The following GLO1 variants were observed in gnomAD, a reference collection of about 807,000 sequenced individuals.
The protein encoded by GLO1 is glyoxalase I, also known as lactoylglutathione lyase.
GLO1 carries 28 observed loss-of-function variants against 26.0 expected under a neutral mutation model. The observed-to-expected ratio is 1.08, with a 90% CI of 0.80 to 1.48. The LOEUF is 1.48. Ranked by LOEUF, GLO1 falls within the 40% of genes most tolerant of loss-of-function variation. GLO1 has a pLI of 0.00. For synonymous variants in GLO1, 78 were observed against 77.6 expected (o/e 1.00, Z -0.03); for missense variants, 225 against 224.8 (o/e 1.00, Z -0.01).
chr6:38,679,279 A>G (rs565381111), intron 5 of GLO1, among the ~76,000 whole-genome samples: 1 of 152,098 alleles, frequency 6.6e-6, no homozygotes, highest in East Asian at 1.9e-4. Flanking sequence ...GGCATGTGCC[A>G]CCATGCCCAG....
chr6:38,693,527 T>C (rs1213894907), intron 1 of GLO1, among the ~76,000 whole-genome samples: 3 of 152,030 alleles, frequency 2.0e-5, no homozygotes, highest in Non-Finnish European at 4.4e-5. Context: ...TTGCTTTTCA[T>C]TTTCTAGTTT....
intron 1 of GLO1, among the ~76,000 whole-genome samples, chr6:38,693,591 T>G (rs887313259): frequency 6.6e-6 from 1 of 151,928 alleles, no homozygotes; most frequent in African/African-American, 2.4e-5. Context: ...TTATAATGTA[T>G]GCAGTCAGTG....
chr6:38,684,554 G>C, intron 2 of GLO1, 40 bp from the exon 3 acceptor site: 1 of 1,355,028 alleles, frequency 7.4e-7, no homozygotes, highest in Non-Finnish European at 9.7e-7. Flanking sequence ...ATTAACAACA[G>C]GAAAGGCTAA....
chr6:38,688,264 C>T (rs189330389), intron 1 of GLO1, among the ~76,000 whole-genome samples: 107 of 152,246 alleles, frequency 7.0e-4, no homozygotes, highest in African/African-American at 2.3e-3. Flanking sequence ...TCAGATGCTA[C>T]AGTCCTAAAG....
chr6:38,686,644 C>T (rs1176417404), intron 2 of GLO1, among the ~76,000 whole-genome samples: 3 of 152,170 alleles, frequency 2.0e-5, no homozygotes, highest in African/African-American at 4.8e-5. Flanking sequence ...TAGCTGGGAG[C>T]GCTCAGAGAA....
At chr6:38,693,612 C>T (rs892296871) in intron 1 of GLO1, among the ~76,000 whole-genome samples, 1 of 151,300 alleles carries the variant, frequency 6.6e-6, no homozygotes, top group African/African-American at 2.4e-5. Context: ...CTATACATTT[C>T]CCCCTTTGCA....
chr6:38,681,928 G>T (rs574361545), intron 5 of GLO1, 84 bp downstream of exon 5: 1 of 760,340 alleles, frequency 1.3e-6, no homozygotes, highest in Non-Finnish European at 2.4e-6. Flanking sequence ...TAGCCAAAAG[G>T]GTTTTACTAC....
intron 1 of GLO1, among the ~76,000 whole-genome samples, chr6:38,691,255 C>CG (rs930714158): frequency 1.1e-4 from 17 of 151,492 alleles, no homozygotes; most frequent in African/African-American, 4.1e-4. Context: ...AGGTTTTTTT[C>CG]GGGGGGAGGG....
intron 1 of GLO1, among the ~76,000 whole-genome samples, chr6:38,694,731 T>C (rs1761584460): frequency 6.6e-6 from 1 of 152,172 alleles, no homozygotes; most frequent in African/African-American, 2.4e-5. Flanking sequence ...TAGATTTTTC[T>C]ATTTCTCCTT....
rs371858314 is a variant in GLO1, at chr6:38,676,485, T to C, written c.*810A>G. ...TTACAACAGGAAACCAGTGGAGGTATTGTGAGGTACTACAACTTTGAGGCA... is the reference window on the plus strand; with the variant it reads ...TTACAACAGGAAACCAGTGGAGGTACTGTGAGGTACTACAACTTTGAGGCA... On this transcript the variant is annotated 3_prime_UTR_variant, in exon 6 of 6. Transcript: ENST00000373365. The C allele has an allele frequency of 1.3e-5, 2 of 152,194 alleles. No individual in the cohort carries two copies. The highest frequency in any genetic ancestry group is 4.8e-5 in the African/African-American group (2 of 41,442). 9.4% of individuals were successfully genotyped at this position (152,194 alleles called of 1,614,324 possible).
intron 1 of GLO1, among the ~76,000 whole-genome samples, chr6:38,702,705 C>T (rs1390693472): frequency 6.6e-6 from 1 of 152,174 alleles, no homozygotes; most frequent in Non-Finnish European, 1.5e-5. Flanking sequence ...CCTGGGTTGG[C>T]CTGGCTTCCA....
rs375462345 is a variant in GLO1, at chr6:38,699,402, T to C, written c.84+3569A>G. ...ATTGTAAAACTGTGTTTGAACAATA[T>C]GAAATCGGCGCACCTTGAAAAACAA... On this transcript the variant is annotated intron_variant, in intron 1 of 5. Transcript: ENST00000373365. 1.5e-4 allele frequency among the ~76,000 whole-genome samples: 23 copies of C among 152,246 alleles called. 1 individual carries two copies. The highest frequency in any genetic ancestry group is 5.5e-4 in the African/African-American group (23 of 41,554).
chr6:38,702,991 C>A lies in GLO1; in HGVS notation c.64G>T (p.Asp22Tyr), dbSNP rs1358193875. 1 of 1,580,462 alleles carries A rather than the reference C, an allele frequency of 6.3e-7. No individual in the cohort carries two copies. Among genetic ancestry groups the A allele is most frequent in the East Asian group, 2.3e-5 (1 of 43,908 alleles). The change falls in exon 1 of 6, where the codon GAC becomes TAC. Residue 22 changes from aspartate to tyrosine, a missense_variant. Physicochemically the swap from Asp to Tyr is radical, Grantham distance 160 (BLOSUM62 -3). Coordinates refer to ENST00000373365, the MANE Select transcript of GLO1 (RefSeq NM_006708.3). ...CCCACCTTGGTACTGGGGTCCGCGT[C>A]GGAGCAGCAACTGAGGGCGGCCTCG... Reference protein sequence around the residue: ...TDEAALSCCSDADPSTKDFLL... With the variant: ...TDEAALSCCSYADPSTKDFLL...
chr6:38,702,978 C>T lies in GLO1; in HGVS notation c.77G>A (p.Ser26Asn), dbSNP rs377238075. 6.6e-7 allele frequency: 1 copy of T among 1,525,634 alleles called. No individual in the cohort carries two copies. The highest frequency in any genetic ancestry group is 2.4e-5 in the East Asian group (1 of 40,860). 94.5% of individuals were successfully genotyped at this position (1,525,634 alleles called of 1,614,324 possible). A position where few individuals can be genotyped will look rare whatever the true frequency, so the allele number is the denominator to read the frequency against. The change falls in exon 1 of 6, where the codon AGT becomes AAT. Residue 26 changes from serine (S) to asparagine (N), a missense_variant. Physicochemically the swap from Ser to Asn is conservative, Grantham distance 46. Transcript: ENST00000373365. ...ALSCCSDADP[S>N]TKDFLLQQTM... ...CTTCGGTCCTGTGCCCACCTTGGTA[C>T]TGGGGTCCGCGTCGGAGCAGCAACT...
intron 1 of GLO1, among the ~76,000 whole-genome samples, chr6:38,699,492 G>A (rs57156564): frequency 0.1 from 15,678 of 152,052 alleles, 1,944 homozygotes; most frequent in African/African-American, 0.28. Flanking sequence ...CTGAGGGGTC[G>A]GACAAAAAGA....
rs766591072 is a variant in GLO1 at position 38,682,894 on chromosome 6, C to T, written c.309-19G>A. On this transcript the variant is annotated intron_variant, in intron 3 of 5. Coordinates refer to ENST00000373365, the MANE Select transcript of GLO1 (RefSeq NM_006708.3). Reference sequence around the variant, plus strand: ...CCAATTGCTACAAAAGGAAGGAAAACATAGCTACAATGTCCTAGGGAATAG... The same window carrying T: ...CCAATTGCTACAAAAGGAAGGAAAATATAGCTACAATGTCCTAGGGAATAG... The T allele has an allele frequency of 1.4e-6, 2 of 1,426,746 alleles. No homozygotes were observed. Among genetic ancestry groups the T allele is most frequent in the South Asian group, 2.3e-5 (2 of 87,704 alleles). 88.4% of individuals were successfully genotyped at this position (1,426,746 alleles called of 1,614,324 possible). A position where few individuals can be genotyped will look rare whatever the true frequency, so the allele number is the denominator to read the frequency against.
chr6:38,699,722 A>C (rs1761667603), intron 1 of GLO1, among the ~76,000 whole-genome samples: 1 of 152,132 alleles, frequency 6.6e-6, no homozygotes, highest in South Asian at 2.1e-4. Context: ...CCTCAGGCTT[A>C]CTAGGGTGGG....
chr6:38,696,246 G>GT (rs1344297199), intron 1 of GLO1, among the ~76,000 whole-genome samples: 1 of 152,160 alleles, frequency 6.6e-6, no homozygotes, highest in Non-Finnish European at 1.5e-5. Context: ...TTGACTTTGT[G>GT]TTTTCTCCCT....
chr6:38,692,863 A>C (rs1255981543), intron 1 of GLO1, among the ~76,000 whole-genome samples: 9 of 150,082 alleles, frequency 6.0e-5, no homozygotes, highest in African/African-American at 2.2e-4. Context: ...CCAGGCTTGC[A>C]TCCTAGATAT....
Sources: gnomAD v4.1 joint callset for allele counts (sites outside exome capture counted in the v4.1 genomes callset) on GRCh38, gnomAD v4.1.1 for gene constraint, MANE v1.5 for transcripts, NCBI Gene and HGNC (gene_info 2026-07-23, HGNC 2026-07-21) for gene names.